FHIT: variants seen among roughly 807,000 people sequenced by gnomAD.
The protein encoded by FHIT is fragile histidine triad diadenosine triphosphatase.
Under a neutral mutation model 17.9 loss-of-function variants are expected in FHIT, and 19 were observed. The ratio of observed to expected loss-of-function variants is 1.06; its 90% CI spans 0.74 to 1.56. FHIT has a LOEUF of 1.56. Ranked by LOEUF, FHIT falls within the 40% of genes most tolerant of loss-of-function variation. The probability of loss-of-function intolerance (pLI) is 0.00; values close to 1 mark genes in which losing one functional copy is unlikely to be tolerated. For missense variants in FHIT, 248 were observed against 189.2 expected (o/e 1.31, Z -1.82); for synonymous variants, 81 against 69.7 (o/e 1.16, Z -0.81).
rs71092612 is a variant in FHIT, at chr3:60,543,907, C to CTTTTTTTTTTTTTTTTTTTTTTTT, written c.-17-6952_-17-6929dup. 5.2e-4 allele frequency among the ~76,000 whole-genome samples: 27 copies of CTTTTTTTTTTTTTTTTTTTTTTTT among 52,058 alleles called. 1 individual carries two copies. The highest frequency in any genetic ancestry group is 2.2e-3 in the East Asian group (2 of 904). 34.2% of individuals were successfully genotyped at this position (52,058 alleles called of 152,430 possible). On this transcript the variant is annotated intron_variant, in intron 4 of 9. Coordinates refer to ENST00000492590, the MANE Select transcript of FHIT (RefSeq NM_002012.4). ...CTACAAGCGCCCGCACCACGCCCGG[C>CTTTTTTTTTTTTTTTTTTTTTTTT]TTTTTTTTTTTTTTTTTTTTTTTTG... is the stretch of plus-strand genomic sequence containing the variant.
At chr3:59,985,120 G>T (rs1474773086) in intron 7 of FHIT, among the ~76,000 whole-genome samples, 2 of 152,130 alleles carry the variant, frequency 1.3e-5, no homozygotes, top group East Asian at 3.9e-4. Flanking sequence ...CTGCAGAGTT[G>T]CCTGCTCTAA....
chr3:60,219,022 G>T (rs559571553), intron 5 of FHIT, among the ~76,000 whole-genome samples: 1 of 152,072 alleles, frequency 6.6e-6, no homozygotes, highest in Non-Finnish European at 1.5e-5. Flanking sequence ...GGTGAAACTG[G>T]AAATCACTGA....
chr3:60,630,955 A>C (rs9841262), intron 4 of FHIT, among the ~76,000 whole-genome samples: 2,370 of 124,890 alleles, frequency 0.019, 83 homozygotes, highest in African/African-American at 0.069. Flanking sequence ...AAAAAAAAAA[A>C]ACACACAGAA....
chr3:60,639,965 G>A (rs1357212346), intron 4 of FHIT, among the ~76,000 whole-genome samples: 1 of 152,162 alleles, frequency 6.6e-6, no homozygotes, highest in East Asian at 1.9e-4. Flanking sequence ...CAATAAAAAG[G>A]AACATTAACA....
chr3:60,578,416 G>A (rs570267590), intron 4 of FHIT, among the ~76,000 whole-genome samples: 134 of 148,072 alleles, frequency 9.0e-4, no homozygotes, highest in African/African-American at 2.1e-3. Context: ...TGGCCTGGGC[G>A]AAAGAGCATG....
intron 2 of FHIT, among the ~76,000 whole-genome samples, chr3:61,049,196 G>A (rs768650576): frequency 3.3e-5 from 5 of 150,720 alleles, no homozygotes; most frequent in Middle Eastern, 3.2e-3. Context: ...CTCATTAGAC[G>A]TTAATGAATG....
chr3:60,573,970 T>A (rs1207348633), intron 4 of FHIT, among the ~76,000 whole-genome samples: 2 of 151,978 alleles, frequency 1.3e-5, no homozygotes, highest in South Asian at 4.2e-4. Flanking sequence ...CCACCACACC[T>A]GGATAATTTT....
chr3:60,351,455 G>C (rs114549053), intron 5 of FHIT, among the ~76,000 whole-genome samples: 1,742 of 152,218 alleles, frequency 0.011, 46 homozygotes, highest in Admixed American at 0.068. Context: ...TTCTTCCTTT[G>C]ACTTATAATT....
intron 4 of FHIT, among the ~76,000 whole-genome samples, chr3:60,662,909 T>C (rs1411687444): frequency 6.6e-6 from 1 of 151,846 alleles, no homozygotes; most frequent in Non-Finnish European, 1.5e-5. Context: ...AATTTTTGTA[T>C]GAAGGTATGA....
intron 4 of FHIT, among the ~76,000 whole-genome samples, chr3:60,763,781 C>T (rs1322106776): frequency 3.3e-5 from 5 of 152,196 alleles, no homozygotes; most frequent in African/African-American, 1.2e-4. Context: ...TGCTAGCTCT[C>T]TTGTCAGGGA....
intron 8 of FHIT, among the ~76,000 whole-genome samples, chr3:59,830,733 A>G (rs1701134896): frequency 6.6e-6 from 1 of 152,216 alleles, no homozygotes; most frequent in Admixed American, 6.5e-5. Context: ...GCCACCTAGC[A>G]GACCCATGAG....
At chr3:59,783,459 C>G (rs996075308) in intron 8 of FHIT, among the ~76,000 whole-genome samples, 1 of 152,132 alleles carries the variant, frequency 6.6e-6, no homozygotes, top group African/African-American at 2.4e-5. Context: ...CAGAGCGAGA[C>G]TTGATCTCAC....
At chr3:60,105,694 G>T (rs1041126997) in intron 5 of FHIT, among the ~76,000 whole-genome samples, 1 of 152,130 alleles carries the variant, frequency 6.6e-6, no homozygotes, top group African/African-American at 2.4e-5. Flanking sequence ...AGACAGAAAT[G>T]TGAGATGTAG....
chr3:60,048,989 TC>T (rs1240908180), intron 5 of FHIT, among the ~76,000 whole-genome samples: 1 of 152,168 alleles, frequency 6.6e-6, no homozygotes, highest in Non-Finnish European at 1.5e-5. Context: ...TTGGGCAAGC[TC>T]CTTAACCCAC....
chr3:60,906,489 C>A (rs534216087), intron 3 of FHIT, among the ~76,000 whole-genome samples: 3 of 152,312 alleles, frequency 2.0e-5, no homozygotes, highest in Admixed American at 6.5e-5. Flanking sequence ...ACCCACCTAG[C>A]GGCCAAAACT....
intron 5 of FHIT, among the ~76,000 whole-genome samples, chr3:60,528,474 C>A (rs938507725): frequency 1.5e-4 from 23 of 151,908 alleles, no homozygotes; most frequent in African/African-American, 5.6e-4. Context: ...GCCTCAGTAT[C>A]CCCCATGCTA....
intron 8 of FHIT, among the ~76,000 whole-genome samples, chr3:59,895,522 C>T (rs1704030764): frequency 6.6e-6 from 1 of 152,156 alleles, no homozygotes. Context: ...ACATCAGACA[C>T]TTCCAATAAA....
At chr3:61,055,024 C>T (rs945381446) in intron 2 of FHIT, among the ~76,000 whole-genome samples, 3 of 152,176 alleles carry the variant, frequency 2.0e-5, no homozygotes, top group East Asian at 1.9e-4. Context: ...GCACATTACA[C>T]GTGCATTTGC....
At chr3:60,117,494 TAAAAA>T (rs34113926) in intron 5 of FHIT, among the ~76,000 whole-genome samples, 67 of 86,800 alleles carry the variant, frequency 7.7e-4, no homozygotes, top group African/African-American at 2.7e-3. Context: ...ACTTCCTATC[TAAAAA>T]AAAAAAAAAA....
Sources: allele counts gnomAD v4.1 joint callset (sites outside exome capture counted in the v4.1 genomes callset), GRCh38; gene constraint gnomAD v4.1.1; transcripts MANE v1.5; gene names NCBI Gene and HGNC (gene_info 2026-07-23, HGNC 2026-07-21).